CLEC4D: variants seen among roughly 807,000 people sequenced by gnomAD.
The protein encoded by CLEC4D is C-type lectin domain family 4 member D.
Under a neutral mutation model 21.1 loss-of-function variants are expected in CLEC4D, and 21 were observed. The observed-to-expected ratio is 1.00, with a 90% confidence interval of 0.71 to 1.43. The LOEUF is 1.43. Ranked by LOEUF, CLEC4D falls within the 40% of genes most tolerant of loss-of-function variation. The pLI is 0.00. For synonymous variants in CLEC4D, 85 were observed against 83.1 expected (o/e 1.02, Z -0.12); for missense variants, 289 against 260.7 (o/e 1.11, Z -0.75).
downstream of CLEC4D, among the ~76,000 whole-genome samples, chr12:8,525,963 T>A (rs1940502440): frequency 6.6e-6 from 1 of 152,214 alleles, no homozygotes; most frequent in African/African-American, 2.4e-5. Flanking sequence ...TTTGACTGGA[T>A]ATGAAATTCC....
chr12:8,523,337 T>C (rs181721198), downstream of CLEC4D, among the ~76,000 whole-genome samples: 501 of 152,358 alleles, frequency 3.3e-3, 2 homozygotes, highest in Middle Eastern at 0.01. Context: ...GAAGATGGAA[T>C]GTTTTTCCAT....
chr12:8,528,782 A>G, the CLEC4D span, among the ~76,000 whole-genome samples: 1 of 152,060 alleles, frequency 6.6e-6, no homozygotes, highest in Non-Finnish European at 1.5e-5. Context: ...CAGAGTAACT[A>G]TGATTATCAG....
At chr12:8,513,893 CGTT>C (rs1940341619) in intron 1 of CLEC4D, 133 bp downstream of exon 1, 3 of 594,976 alleles carry the variant, frequency 5.0e-6, no homozygotes, top group Non-Finnish European at 6.0e-6. Context: ...ATAAAAATGA[CGTT>C]GGTGAAGAGG....
chr12:8,518,888 T>C (rs552116219), intron 3 of CLEC4D, 121 bp from the exon 4 acceptor site: 12 of 1,420,488 alleles, frequency 8.4e-6, no homozygotes, highest in Non-Finnish European at 1.0e-5. Flanking sequence ...CAGAATAATT[T>C]TGGTGATCTT....
rs1210326459 is a variant in CLEC4D at position 8,521,259 on chromosome 12, A to G, written c.636A>G (p.Thr212=). ...GTAGGATTTGTAAAATACCTGGAAC[A>G]ACATTGAACTAGAAACTCAGAAAGT... is the stretch of plus-strand genomic sequence containing the variant. The part of the protein sequence containing the change: ...EASRICKIPG[T]TLN Residue 212 remains threonine, a synonymous_variant, in exon 6 of 6, where the codon ACA becomes ACG. Coordinates refer to ENST00000299665, the MANE Select transcript of CLEC4D (RefSeq NM_080387.5). 3.1e-6 allele frequency: 5 copies of G among 1,609,282 alleles called. No homozygotes were observed. The East Asian group carries it at 1.1e-4, about 36-fold the overall frequency.
At chr12:8,525,473 C>A (rs1197082816), downstream of CLEC4D, among the ~76,000 whole-genome samples, 1 of 150,536 alleles carries the variant, frequency 6.6e-6, no homozygotes, top group South Asian at 2.1e-4. Context: ...TCTTTTTTAA[C>A]CTTTAGTCTG....
chr12:8,530,812 T>G, the CLEC4D span, among the ~76,000 whole-genome samples: 18 of 152,210 alleles, frequency 1.2e-4, no homozygotes, highest in Admixed American at 1.0e-3. Flanking sequence ...ATTATTATTA[T>G]ACAAAAATCA....
At chr12:8,518,099 G>A (rs1449700968) in intron 2 of CLEC4D, 65 bp from the exon 3 acceptor site, 3 of 705,250 alleles carry the variant, frequency 4.3e-6, no homozygotes, top group African/African-American at 3.6e-5. Flanking sequence ...AGGAAGGTCA[G>A]CCCCTATTTC....
downstream of CLEC4D, among the ~76,000 whole-genome samples, chr12:8,524,225 G>A (rs922563402): frequency 6.6e-6 from 1 of 152,158 alleles, no homozygotes; most frequent in African/African-American, 2.4e-5. Flanking sequence ...ATGAGTTAGG[G>A]AGGAGTCCCT....
At chr12:8,514,271 G>A (rs1325206670) in intron 1 of CLEC4D, among the ~76,000 whole-genome samples, 1 of 152,066 alleles carries the variant, frequency 6.6e-6, no homozygotes, top group Non-Finnish European at 1.5e-5. Flanking sequence ...ATCACAGTGT[G>A]ATCCTATTGA....
In CLEC4D at chr12:8,515,254, C is replaced by T. The variant is rs1940363697; in HGVS notation, c.47C>T (p.Pro16Leu). The T allele has an allele frequency of 2.0e-6, 3 of 1,482,980 alleles. No homozygotes were observed. The highest frequency in any genetic ancestry group is 1.4e-5 in the African/African-American group (1 of 71,940). The allele number at this position is 1,482,980 out of a possible 1,614,324, so 91.9% of individuals were successfully genotyped here. Residue 16 changes from proline to leucine, a missense_variant, in exon 2 of 6, where the codon CCC (proline) becomes CTC (leucine). Transcript: ENST00000299665. ...GTCCTAGTGGAAGGAGGCATGCATCCCCAGCTGATACCTTCGGTTATTGCT... is the reference window on the plus strand; with the variant it reads ...GTCCTAGTGGAAGGAGGCATGCATCTCCAGCTGATACCTTCGGTTATTGCT... Reference protein sequence around the residue: ...PQSKLEGGMHPQLIPSVIAVV... With the variant: ...PQSKLEGGMHLQLIPSVIAVV...
At chr12:8,520,159 T>C (rs1472932488) in intron 4 of CLEC4D, 67 bp from the exon 5 acceptor site, 3 of 1,576,092 alleles carry the variant, frequency 1.9e-6, no homozygotes, top group Non-Finnish European at 2.6e-6. Context: ...ACATATTTCC[T>C]CTTTTTCCAA....
At chr12:8,526,394 C>A (rs1270481906), downstream of CLEC4D, among the ~76,000 whole-genome samples, 1 of 151,912 alleles carries the variant, frequency 6.6e-6, no homozygotes, top group African/African-American at 2.4e-5. Context: ...CCTTTTCATT[C>A]TTTTTTCTCT....
chr12:8,528,877 T>C, the CLEC4D span, among the ~76,000 whole-genome samples: 1 of 151,444 alleles, frequency 6.6e-6, no homozygotes, highest in South Asian at 2.1e-4. Flanking sequence ...ATAAACTATG[T>C]ACTATACATA....
chr12:8,518,190 A>G lies in CLEC4D; in HGVS notation c.148A>G (p.Lys50Glu), dbSNP rs367699604. Residue 50 changes from lysine to glutamate, a missense_variant, in exon 3 of 6, where the codon AAG (lysine) becomes GAG (glutamate). Transcript: ENST00000299665. ...GACTCATCACAACTTTTCACGCTGT[A>G]AGAGAGGCACAGGAGTGCACAAGTT... Reference protein sequence around the residue: ...LVTHHNFSRCKRGTGVHKLEH... With the variant: ...LVTHHNFSRCERGTGVHKLEH... 1 of 1,368,556 alleles carries G rather than the reference A, an allele frequency of 7.3e-7. No homozygotes were observed. The highest frequency in any genetic ancestry group is 1.4e-5 in the African/African-American group (1 of 70,484). 84.8% of individuals were successfully genotyped at this position (1,368,556 alleles called of 1,614,324 possible).
the CLEC4D span, among the ~76,000 whole-genome samples, chr12:8,528,260 T>C: frequency 8.7e-4 from 132 of 152,178 alleles, no homozygotes; most frequent in African/African-American, 3.0e-3. Context: ...GGTGGCATTA[T>C]AAAAAGAGGA....
the CLEC4D span, among the ~76,000 whole-genome samples, chr12:8,529,205 T>G: frequency 6.6e-6 from 1 of 152,160 alleles, no homozygotes; most frequent in Non-Finnish European, 1.5e-5. Flanking sequence ...CAAGGAAGAT[T>G]TTTTTCCCTA....
At chr12:8,525,167 T>A (rs1940496774), downstream of CLEC4D, among the ~76,000 whole-genome samples, 2 of 152,214 alleles carry the variant, frequency 1.3e-5, no homozygotes, top group Admixed American at 1.3e-4. Flanking sequence ...GAGAAGAATG[T>A]ATATTCTGCT....
At chr12:8,520,184 C>T (rs777033860) in intron 4 of CLEC4D, 42 bp from the exon 5 acceptor site, 13 of 1,605,158 alleles carry the variant, frequency 8.1e-6, no homozygotes, top group Non-Finnish European at 1.1e-5. Context: ...ATAGCCATCA[C>T]CTGATTCATG....
Sources: gnomAD v4.1 joint callset for allele counts (sites outside exome capture counted in the v4.1 genomes callset) on GRCh38, gnomAD v4.1.1 for gene constraint, MANE v1.5 for transcripts, NCBI Gene and HGNC (gene_info 2026-07-23, HGNC 2026-07-21) for gene names.